Variants in TPD52 observed in about 807,000 individuals in gnomAD.
TPD52 encodes prostate and colon associated protein.
Under a neutral mutation model 31.3 loss-of-function variants are expected in TPD52, and 17 were observed. That is an observed-to-expected ratio of 0.54 (90% CI 0.37 to 0.82). The LOEUF is 0.82. TPD52 is among the 40% of genes least tolerant of loss of function. The probability of loss-of-function intolerance (pLI) is 0.00; values close to 1 mark genes in which losing one functional copy is unlikely to be tolerated. For missense variants in TPD52, 212 were observed against 240.1 expected (o/e 0.88, Z 0.77); for synonymous variants, 83 against 89.6 (o/e 0.93, Z 0.42).
intron 1 of TPD52, among the ~76,000 whole-genome samples, chr8:80,137,078 A>G (rs1809485428): frequency 6.6e-6 from 1 of 152,226 alleles, no homozygotes; most frequent in African/African-American, 2.4e-5. Context: ...GCAAAAGCTA[A>G]ATGTGCTTGG....
At chr8:80,095,773 G>A (rs896573409) in intron 1 of TPD52, among the ~76,000 whole-genome samples, 5 of 152,140 alleles carry the variant, frequency 3.3e-5, no homozygotes, top group East Asian at 1.9e-4. Flanking sequence ...GTGAAACTCC[G>A]TCTGTCTCCA....
chr8:80,102,538 G>C (rs1279672807), intron 1 of TPD52, among the ~76,000 whole-genome samples: 1 of 152,224 alleles, frequency 6.6e-6, no homozygotes, highest in Non-Finnish European at 1.5e-5. Flanking sequence ...CCATGCTGGA[G>C]GCTGGCTACA....
Position 80,042,625 on chromosome 8 carries a change from A to G in TPD52, c.499T>C (p.Leu167=). The stretch of plus-strand genomic sequence containing the variant: ...CTGTTCATCTCTCTACTTGCCTTTA[A>G]GTTTTCGACCTTTTCTTCAAATGAT... The part of the protein sequence containing the change: ...FKSFEEKVEN[L]KSKVGGTKPA... The change falls in exon 7 of 8, where the codon TTA becomes CTA. Residue 167 remains leucine (L), a synonymous_variant. Coordinates refer to ENST00000518937, the MANE Select transcript of TPD52 (RefSeq NM_001025253.3). The G allele has an allele frequency of 2.5e-6, 4 of 1,610,970 alleles. No individual in the cohort carries two copies. Among genetic ancestry groups the G allele is most frequent in the South Asian group, 1.1e-5 (1 of 90,380 alleles).
At chr8:80,164,132 T>G (rs1811557399) in intron 1 of TPD52, among the ~76,000 whole-genome samples, 1 of 151,916 alleles carries the variant, frequency 6.6e-6, no homozygotes, top group Non-Finnish European at 1.5e-5. Flanking sequence ...TGTTGAATTT[T>G]CACCTAGATA....
chr8:80,153,977 C>G (rs1440287764), intron 1 of TPD52, among the ~76,000 whole-genome samples: 1 of 152,150 alleles, frequency 6.6e-6, no homozygotes, highest in Non-Finnish European at 1.5e-5. Flanking sequence ...GCAGAAAGGC[C>G]CAAACCATCC....
rs75492918 is a variant in TPD52 at position 80,133,729 on chromosome 8, A to G, written c.19+37696T>C. Among the ~76,000 whole-genome samples, 221 of 151,896 alleles carry G rather than the reference A, an allele frequency of 1.5e-3. 4 individuals carry two copies. In the East Asian group the frequency reaches 0.037, roughly 26 times the overall value. On this transcript the variant is annotated intron_variant, in intron 1 of 7. Coordinates refer to ENST00000518937, the MANE Select transcript of TPD52 (RefSeq NM_001025253.3). ...TACAGAAACTATCTCGATTTCATCA[A>G]GTTCAAGAGTCCAGGAACTTGATGG...
intron 1 of TPD52, chr8:80,064,839 T>C (rs1812948082): frequency 1.6e-6 from 1 of 633,480 alleles, no homozygotes; most frequent in South Asian, 1.5e-5. Flanking sequence ...TTAGCTTCTG[T>C]TCATAGTCTC....
intron 1 of TPD52, among the ~76,000 whole-genome samples, chr8:80,074,959 G>A (rs1318220497): frequency 6.6e-6 from 1 of 152,024 alleles, no homozygotes; most frequent in Admixed American, 6.6e-5. Context: ...AAGCGTAAGG[G>A]GACAATGTCT....
intron 2 of TPD52, among the ~76,000 whole-genome samples, chr8:80,063,047 C>A (rs1812714346): frequency 6.6e-6 from 1 of 151,972 alleles, no homozygotes. Context: ...CATATCTAGG[C>A]ATATATGAAA....
intron 1 of TPD52, among the ~76,000 whole-genome samples, chr8:80,103,960 T>G (rs578121457): frequency 3.9e-5 from 6 of 152,218 alleles, no homozygotes; most frequent in Non-Finnish European, 7.3e-5. Context: ...TGTGTATTGC[T>G]TGAACCCCAA....
intron 1 of TPD52, among the ~76,000 whole-genome samples, chr8:80,109,711 T>C (rs547734915): frequency 1.2e-3 from 184 of 152,318 alleles, no homozygotes; most frequent in Non-Finnish European, 2.2e-3. Flanking sequence ...CTGGCCCATT[T>C]ATCTTTGGTA....
In TPD52 at chr8:80,120,340, T is replaced by C. The variant is rs373721911; in HGVS notation, c.19+51085A>G. On this transcript the variant is annotated intron_variant, in intron 1 of 7. Transcript: ENST00000518937. ...CCTGTCTCTACTGAAACTGCAAAAA[T>C]TAGCTGGCCATGGTGGTTCACGTCT... Among the ~76,000 whole-genome samples the C allele has an allele frequency of 4.7e-4, 72 of 152,024 alleles. 2 individuals are homozygous for C. The South Asian group carries it at 0.015, about 31-fold the overall frequency.
At position 80,049,723 on chromosome 8, in the gene TPD52, G is replaced by A. The variant is rs79859383; in HGVS notation, c.413+722C>T. Among the ~76,000 whole-genome samples, 868 of 152,266 alleles carry A rather than the reference G, an allele frequency of 5.7e-3. 5 individuals carry two copies. The highest frequency in any genetic ancestry group is 0.01 in the Middle Eastern group (3 of 294). On this transcript the variant is annotated intron_variant, in intron 5 of 7. Transcript: ENST00000518937. Reference sequence around the variant, plus strand: ...AAGAGTCTGCCTGGGAAAGAGAAAGGTTTCCTCAACATCACAAAGTCTCTT... The same window carrying A: ...AAGAGTCTGCCTGGGAAAGAGAAAGATTTCCTCAACATCACAAAGTCTCTT...
At chr8:80,124,541 C>T (rs908296307) in intron 1 of TPD52, among the ~76,000 whole-genome samples, 4 of 152,094 alleles carry the variant, frequency 2.6e-5, no homozygotes, top group Admixed American at 6.6e-5. Context: ...TGTATACGTA[C>T]GTTTACACAT....
chr8:80,064,579 C>G lies in TPD52; in HGVS notation c.34G>C (p.Asp12His). The G allele has an allele frequency of 6.2e-7, 1 of 1,614,024 alleles. No individual in the cohort carries two copies. Among genetic ancestry groups the G allele is most frequent in the South Asian group, 1.1e-5 (1 of 91,064 alleles). The change falls in exon 2 of 8, where the codon GAC (aspartate) becomes CAC (histidine). Residue 12 changes from aspartate to histidine, a missense_variant. By Grantham distance (81) the Asp-to-His change is moderately conservative. Coordinates refer to ENST00000518937, the MANE Select transcript of TPD52 (RefSeq NM_001025253.3). ...DRGEQGLLRT[D>H]PVPEEGEDVA... ...TCTTCTCCTTCCTCAGGGACTGGGTCTGTTCTCAGCAGACCTGGTTGGGGA... is the reference window on the plus strand; with the variant it reads ...TCTTCTCCTTCCTCAGGGACTGGGTGTGTTCTCAGCAGACCTGGTTGGGGA...
At chr8:80,034,508 G>A (rs549161987), downstream of TPD52, among the ~76,000 whole-genome samples, 9 of 152,304 alleles carry the variant, frequency 5.9e-5, no homozygotes, top group African/African-American at 1.4e-4. Flanking sequence ...TGGAGATACC[G>A]GTTGGGAAGC....
chr8:80,101,126 G>C (rs1244679192), intron 1 of TPD52, among the ~76,000 whole-genome samples: 1 of 152,168 alleles, frequency 6.6e-6, no homozygotes, highest in African/African-American at 2.4e-5. Context: ...TATGGGAAGA[G>C]AAATAATGTA....
At chr8:80,051,013 A>G (rs1811327068) in intron 4 of TPD52, among the ~76,000 whole-genome samples, 1 of 151,950 alleles carries the variant, frequency 6.6e-6, no homozygotes, top group African/African-American at 2.4e-5. Flanking sequence ...AAAAAAAAAA[A>G]AAGCAACAAC....
chr8:80,069,058 T>A (rs1046920494), intron 1 of TPD52, among the ~76,000 whole-genome samples: 4 of 152,222 alleles, frequency 2.6e-5, no homozygotes, highest in Non-Finnish European at 5.9e-5. Flanking sequence ...TAAGTTAGAT[T>A]ATGGGTGTGA....
Sources: gnomAD v4.1 joint callset for allele counts (sites outside exome capture counted in the v4.1 genomes callset) on GRCh38, gnomAD v4.1.1 for gene constraint, MANE v1.5 for transcripts, NCBI Gene and HGNC (gene_info 2026-07-23, HGNC 2026-07-21) for gene names.